TADA2B: variants seen among roughly 807,000 people sequenced by gnomAD.
The protein encoded by TADA2B is transcriptional adaptor 2B, also known as transcriptional adapter 2-beta.
In TADA2B, 13 loss-of-function variants were observed where a neutral mutation model predicts 34.5. The ratio of observed to expected loss-of-function variants is 0.38; its 90% CI spans 0.25 to 0.60. The LOEUF (loss-of-function observed/expected upper bound fraction) is 0.60. Among genes scored for constraint, TADA2B ranks in the 20% least tolerant of loss-of-function variants. The pLI is 0.65. For synonymous variants in TADA2B, 240 were observed against 243.4 expected (o/e 0.99, Z 0.13); for missense variants, 442 against 575.0 (o/e 0.77, Z 2.37).
chr4:7,043,891 G>A, intron 1 of TADA2B, 42 bp downstream of exon 1: 3 of 1,445,958 alleles, frequency 2.1e-6, no homozygotes, highest in Non-Finnish European at 2.7e-6. Context: ...TAGGGCACTG[G>A]AAGGCCCGCG....
Position 7,055,134 on chromosome 4 carries a change from C to A in TADA2B, c.*80C>A. On this transcript the variant is annotated 3_prime_UTR_variant, in exon 2 of 2. Transcript: ENST00000310074. ...GACTTGGGGGAGGGGAGCCGCTTCC[C>A]CACTGTTGCTCTTTTTTAAACAAAT... is the stretch of plus-strand genomic sequence containing the variant. 1 of 1,395,232 alleles carries A rather than the reference C, an allele frequency of 7.2e-7. No individual in the cohort carries two copies. Among genetic ancestry groups the A allele is most frequent in the Non-Finnish European group, 9.6e-7 (1 of 1,040,844 alleles). 86.4% of individuals were successfully genotyped at this position (1,395,232 alleles called of 1,614,324 possible).
At chr4:7,050,787 G>A (rs536195650) in intron 1 of TADA2B, among the ~76,000 whole-genome samples, 3 of 152,374 alleles carry the variant, frequency 2.0e-5, no homozygotes, top group East Asian at 1.9e-4. Flanking sequence ...GAAGCCCAGC[G>A]TCCGGCTTCG....
intron 1 of TADA2B, chr4:7,052,816 C>T (rs1033993400): frequency 6.6e-6 from 1 of 152,272 alleles, no homozygotes; most frequent in African/African-American, 2.4e-5. Context: ...AATATTTTTA[C>T]TTTATGATTC....
chr4:7,053,798 C>A (rs756343248), intron 1 of TADA2B: 16 of 454,158 alleles, frequency 3.5e-5, no homozygotes, highest in Non-Finnish European at 5.5e-5. Context: ...CAGCTCACCC[C>A]AAGACCTTGT....
chr4:7,050,872 G>A (rs1288457887), intron 1 of TADA2B, among the ~76,000 whole-genome samples: 3 of 152,204 alleles, frequency 2.0e-5, no homozygotes, highest in Non-Finnish European at 4.4e-5. Flanking sequence ...GGATGGTGGG[G>A]GGCGCGTGGC....
At position 7,054,421 on chromosome 4, in the gene TADA2B, G is replaced by A; in HGVS notation, c.630G>A (p.Val210=). Residue 210 remains valine (V), a synonymous_variant, in exon 2 of 2, where the codon GTG becomes GTA. Coordinates refer to ENST00000310074, the MANE Select transcript of TADA2B (RefSeq NM_152293.3). ...AGCGCGCCCACGTGGACATGTACGTGCGGAAGCTGAAAGAGAGACAGCGGC... is the reference window on the plus strand; with the variant it reads ...AGCGCGCCCACGTGGACATGTACGTACGGAAGCTGAAAGAGAGACAGCGGC... The part of the protein sequence containing the change: ...ELKRAHVDMY[V]RKLKERQRRK... 6.2e-7 allele frequency: 1 copy of A among 1,613,710 alleles called. No individual in the cohort carries two copies. Among genetic ancestry groups the A allele is most frequent in the Non-Finnish European group, 8.5e-7 (1 of 1,179,910 alleles).
rs1723932777 is a variant in TADA2B at position 7,057,903 on chromosome 4, G to C, written c.*2849G>C. Reference sequence around the variant, plus strand: ...AGAATGTATTAAAAACAGCAACCCTGCCTACCGTTTTGATGACCTTTTTCC... The same window carrying C: ...AGAATGTATTAAAAACAGCAACCCTCCCTACCGTTTTGATGACCTTTTTCC... On this transcript the variant is annotated 3_prime_UTR_variant, in exon 2 of 2. Coordinates refer to ENST00000310074, the MANE Select transcript of TADA2B (RefSeq NM_152293.3). 6.6e-6 allele frequency: 1 copy of C among 151,698 alleles called. No homozygotes were observed. Among genetic ancestry groups the C allele is most frequent in the Admixed American group, 6.6e-5 (1 of 15,238 alleles). 9.4% of individuals were successfully genotyped at this position (151,698 alleles called of 1,614,324 possible). A position where few individuals can be genotyped will look rare whatever the true frequency, so the allele number is the denominator to read the frequency against.
In TADA2B at chr4:7,048,004, C is replaced by T. The variant is rs185738488; in HGVS notation, c.270+4155C>T. Among the ~76,000 whole-genome samples, 6 of 152,314 alleles carry T rather than the reference C, an allele frequency of 3.9e-5. No individual in the cohort carries two copies. The East Asian group carries it at 7.7e-4, about 20-fold the overall frequency. On this transcript the variant is annotated intron_variant, in intron 1 of 1. Coordinates refer to ENST00000310074, the MANE Select transcript of TADA2B (RefSeq NM_152293.3). ...GAAACAACTGTGGGTGATGTGGGAA[C>T]GTGGAATTTCAACCCAAGGCTTCTG...
chr4:7,049,477 G>A (rs1411470311), intron 1 of TADA2B, among the ~76,000 whole-genome samples: 1 of 152,246 alleles, frequency 6.6e-6, no homozygotes, highest in East Asian at 1.9e-4. Flanking sequence ...CAGTCACCTT[G>A]AGGGCCAATG....
rs895544181 is a variant in TADA2B, at chr4:7,055,995, C to G, written c.*941C>G. 1 of 152,282 alleles carries G rather than the reference C, an allele frequency of 6.6e-6. No homozygotes were observed. Among genetic ancestry groups the G allele is most frequent in the African/African-American group, 2.4e-5 (1 of 41,468 alleles). The allele number at this position is 152,282 out of a possible 1,614,324, so 9.4% of individuals were successfully genotyped here. A position where few individuals can be genotyped will look rare whatever the true frequency, so the allele number is the denominator to read the frequency against. On this transcript the variant is annotated 3_prime_UTR_variant, in exon 2 of 2. Coordinates refer to ENST00000310074, the MANE Select transcript of TADA2B (RefSeq NM_152293.3). ...TAAGAGTTCTGAATTCTGGCGTCAG[C>G]TTCCTCAGGATTTTCTTCAGTTGCA...
At position 7,054,589 on chromosome 4, in the gene TADA2B, G is replaced by A. The variant is rs763030316; in HGVS notation, c.798G>A (p.Met266Ile). Residue 266 changes from methionine to isoleucine, a missense_variant, in exon 2 of 2, where the codon ATG (methionine) becomes ATA (isoleucine). Met to Ile is a conservative substitution (Grantham distance 10). Around this residue, in one of 4 missense-constraint regions of TADA2B, gnomAD observed 222 missense variants for 235.2 expected, o/e 0.94. Transcript: ENST00000310074. Reference sequence around the variant, plus strand: ...AGCTGAGGCCGCTGTACCAGTTCATGTCATGCAAGGAGTTTGATGACCTTT... The same window carrying A: ...AGCTGAGGCCGCTGTACCAGTTCATATCATGCAAGGAGTTTGATGACCTTT... The part of the protein sequence containing the change: ...RLKLRPLYQF[M>I]SCKEFDDLFE... 1 of 1,613,872 alleles carries A rather than the reference G, an allele frequency of 6.2e-7. No individual in the cohort carries two copies. The highest frequency in any genetic ancestry group is 1.7e-5 in the Admixed American group (1 of 60,010).
intron 1 of TADA2B, among the ~76,000 whole-genome samples, chr4:7,050,073 G>C (rs1253756375): frequency 6.6e-6 from 1 of 152,266 alleles, no homozygotes; most frequent in Non-Finnish European, 1.5e-5. Flanking sequence ...GCCCTCCCAT[G>C]TCTGCACGCT....
Position 7,054,662 on chromosome 4 carries a change from C to G in TADA2B, c.871C>G (p.Leu291Val). 2 of 1,613,940 alleles carry G rather than the reference C, an allele frequency of 1.2e-6. No individual in the cohort carries two copies. The highest frequency in any genetic ancestry group is 1.7e-6 in the Non-Finnish European group (2 of 1,179,908). The change falls in exon 2 of 2, where the codon CTG becomes GTG. Residue 291 changes from leucine to valine, a missense_variant. By Grantham distance (32) the Leu-to-Val change is conservative (BLOSUM62 1). Transcript: ENST00000310074. Reference sequence around the variant, plus strand: ...AATGCTCCGGGCCAAGATCCGAGAACTGCAGCGGTACCGGCGAAACGGGAT... The same window carrying G: ...AATGCTCCGGGCCAAGATCCGAGAAGTGCAGCGGTACCGGCGAAACGGGAT... ...EKMLRAKIRELQRYRRNGITK... is the reference protein window; with the variant it reads ...EKMLRAKIREVQRYRRNGITK...
chr4:7,047,616 T>C (rs890173703), intron 1 of TADA2B, among the ~76,000 whole-genome samples: 20 of 152,328 alleles, frequency 1.3e-4, no homozygotes, highest in African/African-American at 4.8e-4. Context: ...GAGAACAGGC[T>C]AGGAGGAAGA....
In TADA2B at chr4:7,052,099, A is replaced by G. The variant is rs140685807; in HGVS notation, c.271-1963A>G. On this transcript the variant is annotated intron_variant, in intron 1 of 1. Transcript: ENST00000310074. ...CACGTGCCTGGGAACCTGGTGCAGC[A>G]GCCATCGGAGCCTCCTGGAAACTGG... Among the ~76,000 whole-genome samples, 789 of 152,350 alleles carry G rather than the reference A, an allele frequency of 5.2e-3. 9 individuals carry two copies. Among genetic ancestry groups the G allele is most frequent in the Non-Finnish European group, 8.2e-3 (559 of 68,022 alleles).
At chr4:7,050,357 C>T (rs1436096302) in intron 1 of TADA2B, among the ~76,000 whole-genome samples, 1 of 152,248 alleles carries the variant, frequency 6.6e-6, no homozygotes, top group African/African-American at 2.4e-5. Context: ...CCGCTGAATG[C>T]CCTTCCCTGG....
chr4:7,052,201 G>C (rs1182418004), intron 1 of TADA2B, among the ~76,000 whole-genome samples: 1 of 152,272 alleles, frequency 6.6e-6, no homozygotes, highest in Non-Finnish European at 1.5e-5. Flanking sequence ...TGGAGAAGCT[G>C]CACAGGCCAA....
In TADA2B at chr4:7,054,930, A is replaced by G; in HGVS notation, c.1139A>G (p.His380Arg). 1 of 1,613,826 alleles carries G rather than the reference A, an allele frequency of 6.2e-7. No individual in the cohort carries two copies. The highest frequency in any genetic ancestry group is 8.5e-7 in the Non-Finnish European group (1 of 1,179,870). ...GTGAAGACTATTATAATTAAAGACC[A>G]CCTCCAGAAGCGGCAAGGAATCCCC... The part of the protein sequence containing the change: ...VTVKTIIIKD[H>R]LQKRQGIPSK... Residue 380 changes from histidine to arginine, a missense_variant, in exon 2 of 2, where the codon CAC becomes CGC. By Grantham distance (29) the His-to-Arg change is conservative. Coordinates refer to ENST00000310074, the MANE Select transcript of TADA2B (RefSeq NM_152293.3).
Position 7,054,715 on chromosome 4 carries a change from C to T in TADA2B, c.924C>T (p.Tyr308=), listed in dbSNP as rs1420859548. The change falls in exon 2 of 2, where the codon TAC becomes TAT. Residue 308 remains tyrosine, a synonymous_variant. Transcript: ENST00000310074. ...GITKMEESAE[Y]EAARHKREKR... is the part of the protein sequence containing the mutation. ...CCAAGATGGAAGAGTCGGCAGAGTA[C>T]GAGGCAGCGCGGCATAAACGGGAGA... is the stretch of plus-strand genomic sequence containing the variant. 3.1e-6 allele frequency: 5 copies of T among 1,613,818 alleles called. No individual in the cohort carries two copies. Among genetic ancestry groups the T allele is most frequent in the East Asian group, 2.2e-5 (1 of 44,874 alleles).
Sources: gnomAD v4.1 joint callset for allele counts (sites outside exome capture counted in the v4.1 genomes callset) on GRCh38, gnomAD v4.1.1 for gene constraint, gnomAD v4.1.1 regional missense constraint, MANE v1.5 for transcripts, NCBI Gene and HGNC (gene_info 2026-07-23, HGNC 2026-07-21) for gene names.